GHR: variants seen among roughly 807,000 people sequenced by gnomAD.
GHR encodes GH receptor.
Under a neutral mutation model 67.1 loss-of-function variants are expected in GHR, and 35 were observed. The observed-to-expected ratio is 0.52, with a 90% CI of 0.40 to 0.69. GHR has a LOEUF of 0.69. Ranked by LOEUF, GHR falls within the 30% of genes least tolerant of loss-of-function variation. The pLI is 0.00. For missense variants in GHR, 792 were observed against 764.6 expected (o/e 1.04, Z -0.42); for synonymous variants, 272 against 269.1 (o/e 1.01, Z -0.10).
intron 1 of GHR, among the ~76,000 whole-genome samples, chr5:42,510,673 G>A (rs902782668): frequency 1.3e-5 from 2 of 152,192 alleles, no homozygotes. Flanking sequence ...GCGACTCAAG[G>A]AATATTAAAA....
At chr5:42,608,904 T>C (rs1752756206) in intron 2 of GHR, among the ~76,000 whole-genome samples, 1 of 152,164 alleles carries the variant, frequency 6.6e-6, no homozygotes, top group South Asian at 2.1e-4. Flanking sequence ...CTCATTGTAC[T>C]CTATTTTTTC....
At chr5:42,510,080 A>G (rs916463061) in intron 1 of GHR, among the ~76,000 whole-genome samples, 1 of 152,168 alleles carries the variant, frequency 6.6e-6, no homozygotes, top group Non-Finnish European at 1.5e-5. Context: ...TCCGTCAGTT[A>G]TCCCCATTGC....
At chr5:42,434,489 A>G (rs1743236912) in intron 1 of GHR, among the ~76,000 whole-genome samples, 1 of 152,218 alleles carries the variant, frequency 6.6e-6, no homozygotes, top group South Asian at 2.1e-4. Context: ...TCCTCACTTT[A>G]TTTATAGGTG....
chr5:42,480,815 C>T (rs916330448), intron 1 of GHR, among the ~76,000 whole-genome samples: 1 of 152,150 alleles, frequency 6.6e-6, no homozygotes, highest in South Asian at 2.1e-4. Context: ...TAATACAGCA[C>T]GCTGATGGGT....
chr5:42,486,004 A>G (rs944561794), intron 1 of GHR, among the ~76,000 whole-genome samples: 1 of 152,204 alleles, frequency 6.6e-6, no homozygotes, highest in African/African-American at 2.4e-5. Context: ...ATATGTATAA[A>G]AATCACATGC....
At chr5:42,477,473 G>A (rs1745390042) in intron 1 of GHR, among the ~76,000 whole-genome samples, 1 of 152,176 alleles carries the variant, frequency 6.6e-6, no homozygotes, top group African/African-American at 2.4e-5. Context: ...CTTCCACAGT[G>A]GTTGAACTAG....
intron 1 of GHR, among the ~76,000 whole-genome samples, chr5:42,470,483 T>C (rs2940918): frequency 3.9e-5 from 6 of 152,012 alleles, no homozygotes; most frequent in African/African-American, 1.4e-4. Flanking sequence ...GAATCTTGGG[T>C]TATCATTTCA....
chr5:42,612,283 G>C (rs576162092), intron 2 of GHR, among the ~76,000 whole-genome samples: 24 of 152,258 alleles, frequency 1.6e-4, no homozygotes, highest in African/African-American at 5.8e-4. Context: ...CAAGTCTACA[G>C]CAGATGAAAA....
chr5:42,522,111 G>A (rs1747502201), intron 1 of GHR, among the ~76,000 whole-genome samples: 1 of 151,998 alleles, frequency 6.6e-6, no homozygotes, highest in African/African-American at 2.4e-5. Flanking sequence ...TTGCACATAG[G>A]AAAACATCCA....
At chr5:42,663,894 A>C (rs1047610075) in intron 3 of GHR, among the ~76,000 whole-genome samples, 1 of 152,248 alleles carries the variant, frequency 6.6e-6, no homozygotes, top group Non-Finnish European at 1.5e-5. Context: ...AACTTCAGCA[A>C]AGTCTCAGGA....
intron 1 of GHR, among the ~76,000 whole-genome samples, chr5:42,443,492 T>A (rs1743669709): frequency 6.6e-6 from 1 of 152,170 alleles, no homozygotes; most frequent in Non-Finnish European, 1.5e-5. Context: ...AAATTTAATG[T>A]CAAGGGCATT....
intron 8 of GHR, among the ~76,000 whole-genome samples, chr5:42,717,232 G>C (rs1013329404): frequency 6.6e-6 from 1 of 152,098 alleles, no homozygotes; most frequent in Admixed American, 6.6e-5. Context: ...CCAGGAGTTT[G>C]AGGCTGCAGT....
chr5:42,585,773 A>G (rs1194966509), intron 2 of GHR, among the ~76,000 whole-genome samples: 3 of 110,400 alleles, frequency 2.7e-5, no homozygotes, highest in East Asian at 3.9e-4. Flanking sequence ...AGAAACTTAG[A>G]AAAAAAAAAG....
intron 3 of GHR, among the ~76,000 whole-genome samples, chr5:42,676,588 TAA>T (rs900085767): frequency 2.6e-5 from 4 of 151,080 alleles, no homozygotes; most frequent in Non-Finnish European, 3.0e-5. Flanking sequence ...CACCATAGGT[TAA>T]AAAAAAAGTC....
intron 2 of GHR, among the ~76,000 whole-genome samples, chr5:42,614,559 A>ATTTTTTTTTTTTTTTTTT (rs553365880): frequency 1.5e-5 from 1 of 65,380 alleles, no homozygotes; most frequent in African/African-American, 6.3e-5. Context: ...CATAGAGGAC[A>ATTTTTTTTTTTTTTTTTT]TTTTTTTTTT....
chr5:42,507,852 G>C (rs1185990461), intron 1 of GHR, among the ~76,000 whole-genome samples: 1 of 152,190 alleles, frequency 6.6e-6, no homozygotes, highest in Non-Finnish European at 1.5e-5. Flanking sequence ...TGACCTCTCT[G>C]TCAACCTTCT....
At chr5:42,641,147 TCTCCTTAG>T (rs1754452934) in intron 3 of GHR, among the ~76,000 whole-genome samples, 2 of 151,400 alleles carry the variant, frequency 1.3e-5, no homozygotes, top group Admixed American at 1.3e-4. Flanking sequence ...CCTGATAGAC[TCTCCTTAG>T]GTACAAAAAA....
intron 1 of GHR, among the ~76,000 whole-genome samples, chr5:42,474,235 AAG>A (rs1336464623): frequency 6.9e-6 from 1 of 144,054 alleles, no homozygotes; most frequent in Non-Finnish European, 1.5e-5. Flanking sequence ...AAGAAAAAGA[AAG>A]AAAGAGAGAG....
intron 1 of GHR, chr5:42,465,600 T>G (rs1343506792): frequency 8.7e-7 from 1 of 1,149,874 alleles, no homozygotes; most frequent in Non-Finnish European, 1.3e-6. Context: ...TGTTTCTGAA[T>G]GTATTTGGGG....
Sources: gnomAD v4.1 joint callset for allele counts (sites outside exome capture counted in the v4.1 genomes callset) on GRCh38, gnomAD v4.1.1 for gene constraint, MANE v1.5 for transcripts, NCBI Gene and HGNC (gene_info 2026-07-23, HGNC 2026-07-21) for gene names.